ULK2: variants seen among roughly 807,000 people sequenced by gnomAD.
ULK2 encodes serine/threonine-protein kinase ULK2.
ULK2 carries 76 observed loss-of-function variants against 127.5 expected under a neutral mutation model. That is an observed-to-expected ratio of 0.60 (90% CI 0.50 to 0.72). ULK2 has a LOEUF of 0.72. Ranked by LOEUF, ULK2 falls within the 30% of genes least tolerant of loss-of-function variation. The pLI is 0.00. For missense variants in ULK2, 1,144 were observed against 1,295.9 expected, an observed-to-expected ratio of 0.88 and a Z score of 1.80; for synonymous variants, 452 against 461.9, an observed-to-expected ratio of 0.98 and a Z score of 0.28.
chr17:19,841,265 C>A, intron 9 of ULK2, among the ~76,000 whole-genome samples: 1 of 152,168 alleles, frequency 6.6e-6, no homozygotes, highest in East Asian at 1.9e-4. Flanking sequence ...ATGTAACTTC[C>A]GTATCTTTTT....
At chr17:19,865,580 CTCAATG>C (rs1281339929) in intron 2 of ULK2, among the ~76,000 whole-genome samples, 150 bp downstream of exon 2, 30 of 152,200 alleles carry the variant, frequency 2.0e-4, no homozygotes, top group African/African-American at 6.7e-4. Flanking sequence ...CTTCCGAGTA[CTCAATG>C]TTTTAAAAAA....
chr17:19,780,223 A>G (rs2086890978), intron 25 of ULK2, among the ~76,000 whole-genome samples: 1 of 152,136 alleles, frequency 6.6e-6, no homozygotes, highest in Non-Finnish European at 1.5e-5. Flanking sequence ...TAATGCCAGC[A>G]ATGTTTAATA....
chr17:19,821,992 ATCTTTT>A (rs376443507), intron 12 of ULK2, among the ~76,000 whole-genome samples: 1,522 of 148,372 alleles, frequency 0.01, 18 homozygotes, highest in Middle Eastern at 0.025. Context: ...AGCTGACCTT[ATCTTTT>A]TTTTTTTTTT....
At chr17:19,858,511 G>A (rs941422553) in intron 3 of ULK2, among the ~76,000 whole-genome samples, 2 of 152,026 alleles carry the variant, frequency 1.3e-5, no homozygotes, top group Non-Finnish European at 1.5e-5. Context: ...ACCACTATAC[G>A]CCTGTACATC....
chr17:19,838,512 CTA>C lies in ULK2; in HGVS notation c.774_775del (p.Asp258GlufsTer5). On this transcript the variant is annotated frameshift_variant, in exon 10 of 27. Transcript: ENST00000395544. LOFTEE classifies it high-confidence loss of function. The stretch of plus-strand genomic sequence containing the variant: ...AAACTATTTCTTACCAAAGTCCATT[CTA>C]TCTTTTTGGTTTCTCTGAAGCAAAC... 2.5e-6 allele frequency: 4 copies of C among 1,610,976 alleles called. No individual in the cohort carries two copies. The highest frequency in any genetic ancestry group is 3.4e-6 in the Non-Finnish European group (4 of 1,178,964).
chr17:19,818,527 A>C (rs1217727697), intron 12 of ULK2, among the ~76,000 whole-genome samples: 1 of 152,132 alleles, frequency 6.6e-6, no homozygotes. Context: ...AATTACCTGC[A>C]TCTACAATCA....
Position 19,775,495 on chromosome 17 carries a change from T to C in ULK2, c.*854A>G, listed in dbSNP as rs1202733767. The C allele has an allele frequency of 6.6e-6, 1 of 152,446 alleles. No individual in the cohort carries two copies. The highest frequency in any genetic ancestry group is 1.9e-4 in the East Asian group (1 of 5,170). 9.4% of individuals were successfully genotyped at this position (152,446 alleles called of 1,614,324 possible). ...AGGTCACAGGCATCAATGTACATTC[T>C]GCATGCACAATAAAAAATGGAACCA... is the stretch of plus-strand genomic sequence containing the variant. On this transcript the variant is annotated 3_prime_UTR_variant, in exon 27 of 27. Coordinates refer to ENST00000395544, the MANE Select transcript of ULK2 (RefSeq NM_014683.4).
chr17:19,848,316 T>C (rs1217466269), intron 5 of ULK2: 3 of 152,236 alleles, frequency 2.0e-5, no homozygotes, highest in Non-Finnish European at 4.4e-5. Context: ...TGTCTGTCCA[T>C]ATAATTCTTA....
chr17:19,810,768 C>A, intron 13 of ULK2: 1 of 198,318 alleles, frequency 5.0e-6, no homozygotes. Context: ...TTTTCTGTGT[C>A]AATGACAAAA....
intron 2 of ULK2, 75 bp downstream of exon 2, chr17:19,865,661 G>T: frequency 1.1e-6 from 1 of 875,892 alleles, no homozygotes; most frequent in South Asian, 2.1e-5. Context: ...TACCAAAATT[G>T]AAAAGGATGG....
chr17:19,861,113 A>C (rs1454172435), intron 3 of ULK2: 2 of 152,172 alleles, frequency 1.3e-5, no homozygotes, highest in Non-Finnish European at 2.9e-5. Context: ...CCATGTACAA[A>C]ATAATATAAC....
chr17:19,779,251 C>A (rs1464635499), intron 25 of ULK2, among the ~76,000 whole-genome samples: 1 of 152,018 alleles, frequency 6.6e-6, no homozygotes, highest in Non-Finnish European at 1.5e-5. Context: ...AATTGGCATG[C>A]CGGGCACAGT....
At chr17:19,804,559 T>C in intron 15 of ULK2, 134 bp downstream of exon 15, 1 of 878,612 alleles carries the variant, frequency 1.1e-6, no homozygotes, top group East Asian at 3.0e-5. Context: ...AACTTTATTA[T>C]TCAATTTTGT....
Position 19,801,820 on chromosome 17 carries a change from C to G in ULK2, c.1398G>C (p.Arg466Ser), listed in dbSNP as rs758199355. Residue 466 changes from arginine (R) to serine (S), a missense_variant, in exon 16 of 27, where the codon AGG becomes AGC. By Grantham distance (110) the Arg-to-Ser change is moderately radical. Coordinates refer to ENST00000395544, the MANE Select transcript of ULK2 (RefSeq NM_014683.4). ...AAGGCCTAGAAGACCCAGTGGAGAG[C>G]CTTCGTCCAACTGTCTGTGCTGTGT... ...PADTAQTVGR[R>S]LSTGSSRPYS... 6.2e-7 allele frequency: 1 copy of G among 1,614,188 alleles called. No individual in the cohort carries two copies.
chr17:19,793,252 GCCC>G (rs973998849), intron 20 of ULK2, among the ~76,000 whole-genome samples: 7 of 152,054 alleles, frequency 4.6e-5, no homozygotes, highest in African/African-American at 1.7e-4. Flanking sequence ...GGGGGAAACT[GCCC>G]CCATGATTCA....
At chr17:19,848,017 AACT>A (rs1315439071) in intron 5 of ULK2, among the ~76,000 whole-genome samples, 1 of 152,206 alleles carries the variant, frequency 6.6e-6, no homozygotes, top group Non-Finnish European at 1.5e-5. Context: ...TGATGAGAAT[AACT>A]ACGAGTTGAC....
At chr17:19,819,073 A>G (rs1477974848) in intron 12 of ULK2, among the ~76,000 whole-genome samples, 1 of 152,164 alleles carries the variant, frequency 6.6e-6, no homozygotes, top group East Asian at 1.9e-4. Flanking sequence ...TGCTGGGATT[A>G]CAGGCATGAG....
At chr17:19,822,266 T>C (rs1448442354) in intron 12 of ULK2, among the ~76,000 whole-genome samples, 1 of 152,098 alleles carries the variant, frequency 6.6e-6, no homozygotes, top group Non-Finnish European at 1.5e-5. Context: ...ATTACAGGCG[T>C]GAGCCACTGA....
Position 19,867,907 on chromosome 17 carries a change from C to T in ULK2, c.-490G>A, listed in dbSNP as rs112759272. On this transcript the variant is annotated 5_prime_UTR_variant, in exon 1 of 27. Coordinates refer to ENST00000395544, the MANE Select transcript of ULK2 (RefSeq NM_014683.4). ...CCGCCTCGCGGCGGCGCCCAACGCC[C>T]TCGCGCGCGCTACCCGCTCCCGCGC... 0.2 allele frequency: 30,603 copies of T among 151,080 alleles called. 3,768 individuals carry two copies. The highest frequency in any genetic ancestry group is 0.27 in the Non-Finnish European group (18,443 of 67,640). 9.4% of individuals were successfully genotyped at this position (151,080 alleles called of 1,614,324 possible). A position where few individuals can be genotyped will look rare whatever the true frequency, so the allele number is the denominator to read the frequency against.
Sources: gnomAD v4.1 joint callset for allele counts (sites outside exome capture counted in the v4.1 genomes callset) on GRCh38, gnomAD v4.1.1 for gene constraint, MANE v1.5 for transcripts, NCBI Gene and HGNC (gene_info 2026-07-23, HGNC 2026-07-21) for gene names.